RBM19: variants seen among roughly 807,000 people sequenced by gnomAD.
RBM19 encodes the protein probable RNA-binding protein 19.
Under a neutral mutation model 116.8 loss-of-function variants are expected in RBM19, and 94 were observed. The ratio of observed to expected loss-of-function variants is 0.80; its 90% CI spans 0.68 to 0.95. The LOEUF is 0.95. Among genes scored for constraint, RBM19 ranks in the 40% least tolerant of loss-of-function variants. RBM19 has a pLI of 0.00. For missense variants in RBM19, 1,161 were observed against 1,220.7 expected (o/e 0.95, Z 0.73); for synonymous variants, 475 against 494.1 (o/e 0.96, Z 0.51).
chr12:113,820,656 G>C (rs893094444), downstream of RBM19, among the ~76,000 whole-genome samples: 1 of 152,134 alleles, frequency 6.6e-6, no homozygotes, highest in Admixed American at 6.5e-5. Flanking sequence ...GTGCAGTCTG[G>C]TGGGCGCGGC....
intron 21 of RBM19, among the ~76,000 whole-genome samples, chr12:113,905,086 A>G (rs1881952198): frequency 6.6e-6 from 1 of 152,180 alleles, no homozygotes; most frequent in Non-Finnish European, 1.5e-5. Flanking sequence ...CCCCTGAGAG[A>G]CTTTTCTCCT....
At chr12:113,934,233 T>C (rs1869859886) in intron 16 of RBM19, among the ~76,000 whole-genome samples, 2 of 152,238 alleles carry the variant, frequency 1.3e-5, no homozygotes, top group African/African-American at 2.4e-5. Context: ...GTGATTTATA[T>C]TGCTCAGTCA....
In RBM19 at chr12:113,948,885, G is replaced by T. The variant is rs375840612; in HGVS notation, c.1224C>A (p.Asn408Lys). The T allele has an allele frequency of 3.7e-6, 6 of 1,614,226 alleles. No individual in the cohort carries two copies. The East Asian group carries it at 8.9e-5, about 24-fold the overall frequency. The part of the protein sequence containing the change: ...LAESGRLFVR[N>K]LPYTSTEEDL... Reference sequence around the variant, plus strand: ...CCTCCTCGGTGCTGGTGTAGGGCAGGTTCCGTACAAAGAGCCTTCCGGATT... The same window carrying T: ...CCTCCTCGGTGCTGGTGTAGGGCAGTTTCCGTACAAAGAGCCTTCCGGATT... Residue 408 changes from asparagine to lysine, a missense_variant, in exon 10 of 24, where the codon AAC becomes AAA. Physicochemically the swap from Asn to Lys is moderately conservative, Grantham distance 94. Coordinates refer to ENST00000261741, the MANE Select transcript of RBM19 (RefSeq NM_016196.4).
intron 21 of RBM19, among the ~76,000 whole-genome samples, chr12:113,893,920 C>T (rs939553816): frequency 2.6e-5 from 4 of 152,148 alleles, no homozygotes; most frequent in Admixed American, 6.5e-5. Context: ...ATCTTTATTG[C>T]GGCAGAAAGT....
At chr12:113,921,704 A>G (rs4146335) in intron 18 of RBM19, among the ~76,000 whole-genome samples, 97,223 of 152,084 alleles carry the variant, frequency 0.64, 31,800 homozygotes, top group East Asian at 0.99. Context: ...TTCGTTCTGC[A>G]AGCAGATACT....
chr12:113,931,885 C>T (rs751732248), intron 16 of RBM19, among the ~76,000 whole-genome samples: 2 of 152,194 alleles, frequency 1.3e-5, no homozygotes, highest in Non-Finnish European at 2.9e-5. Flanking sequence ...AGAGCCCTGT[C>T]CTATTCCATC....
chr12:113,835,373 T>A (rs1404054403), intron 23 of RBM19, among the ~76,000 whole-genome samples: 5 of 152,118 alleles, frequency 3.3e-5, no homozygotes, highest in African/African-American at 1.2e-4. Flanking sequence ...CCGCAAAGGA[T>A]AAAGTGTCAC....
At chr12:113,842,461 G>C (rs560982745) in intron 23 of RBM19, among the ~76,000 whole-genome samples, 10 of 152,366 alleles carry the variant, frequency 6.6e-5, no homozygotes, top group Non-Finnish European at 1.3e-4. Flanking sequence ...GCTTGCAACT[G>C]TGTATTTAGC....
chr12:113,855,723 A>C (rs191639245), intron 22 of RBM19, among the ~76,000 whole-genome samples: 182 of 152,298 alleles, frequency 1.2e-3, no homozygotes, highest in African/African-American at 3.7e-3. Context: ...GAGATAAAAA[A>C]GATCACCAGT....
intron 23 of RBM19, among the ~76,000 whole-genome samples, chr12:113,835,317 T>C (rs1011584316): frequency 1.3e-5 from 2 of 152,148 alleles, no homozygotes; most frequent in African/African-American, 4.8e-5. Flanking sequence ...GCCTCCTCTC[T>C]GTTAGATGTG....
chr12:113,883,240 A>C (rs1445264997), intron 21 of RBM19, among the ~76,000 whole-genome samples: 4 of 152,232 alleles, frequency 2.6e-5, no homozygotes, highest in Non-Finnish European at 5.9e-5. Flanking sequence ...GAAATGGTGA[A>C]CAGACTGATT....
chr12:113,930,220 C>T (rs557440941), intron 16 of RBM19, among the ~76,000 whole-genome samples: 10 of 152,384 alleles, frequency 6.6e-5, no homozygotes, highest in African/African-American at 1.9e-4. Context: ...GCCCTTCCCT[C>T]TTTCTGTCTC....
chr12:113,914,715 C>G (rs1882660611), intron 21 of RBM19, among the ~76,000 whole-genome samples: 1 of 152,238 alleles, frequency 6.6e-6, no homozygotes. Context: ...GACAGGGAAG[C>G]CTGCCTGCCC....
At position 113,893,674 on chromosome 12, in the gene RBM19, GAGA is replaced by G. The variant is rs1235897759; in HGVS notation, c.2558+21292_2558+21294del. Among the ~76,000 whole-genome samples, 32 of 152,264 alleles carry G rather than the reference GAGA, an allele frequency of 2.1e-4. 1 individual carries two copies. The highest frequency in any genetic ancestry group is 7.7e-4 in the African/African-American group (32 of 41,542). On this transcript the variant is annotated intron_variant, in intron 21 of 23. Coordinates refer to ENST00000261741, the MANE Select transcript of RBM19 (RefSeq NM_016196.4). ...TTATTTCTTTAGAATAGAGCTCTAG[GAGA>G]AGAATCATTAGATCAAAAGGTATCA...
chr12:113,957,722 G>T, intron 6 of RBM19, 60 bp downstream of exon 6: 1 of 1,518,704 alleles, frequency 6.6e-7, no homozygotes, highest in South Asian at 1.3e-5. Context: ...GAGCTGTGGG[G>T]ACCACGGGCA....
intron 20 of RBM19, among the ~76,000 whole-genome samples, chr12:113,915,719 C>T (rs897084062): frequency 2.0e-5 from 3 of 152,218 alleles, no homozygotes; most frequent in Non-Finnish European, 4.4e-5. Context: ...GTAACATGGC[C>T]GCTCTGGGCC....
chr12:113,935,732 T>C (rs938853429), intron 16 of RBM19, among the ~76,000 whole-genome samples: 3 of 152,116 alleles, frequency 2.0e-5, no homozygotes, highest in Non-Finnish European at 4.4e-5. Context: ...TACAGCAAAG[T>C]CTATTCCACT....
chr12:113,852,953 G>A (rs1368456415), intron 22 of RBM19, among the ~76,000 whole-genome samples: 2 of 152,228 alleles, frequency 1.3e-5, no homozygotes, highest in African/African-American at 2.4e-5. Flanking sequence ...GCACTGTGCT[G>A]GGTGCGCTGG....
intron 16 of RBM19, among the ~76,000 whole-genome samples, chr12:113,927,609 A>AC (rs56191109): frequency 1.6e-4 from 14 of 89,482 alleles, no homozygotes; most frequent in Admixed American, 3.2e-4. Context: ...AAAAAACAAA[A>AC]AAAAAAAAAC....
Sources: allele counts gnomAD v4.1 joint callset (sites outside exome capture counted in the v4.1 genomes callset), GRCh38; gene constraint gnomAD v4.1.1; transcripts MANE v1.5; gene names NCBI Gene and HGNC (gene_info 2026-07-23, HGNC 2026-07-21).